Variants in IMMP2L observed in about 807,000 individuals in gnomAD.
IMMP2L encodes the protein inner mitochondrial membrane peptidase subunit 2.
Under a neutral mutation model 19.3 loss-of-function variants are expected in IMMP2L, and 18 were observed. The observed-to-expected ratio is 0.93, with a 90% CI of 0.64 to 1.38. The LOEUF (loss-of-function observed/expected upper bound fraction) is 1.38. Among genes scored for constraint, IMMP2L ranks in the 40% most tolerant of loss-of-function variants. The probability of loss-of-function intolerance (pLI) is 0.00; values close to 1 mark genes in which losing one functional copy is unlikely to be tolerated. For synonymous variants in IMMP2L, 76 were observed against 73.0 expected, an observed-to-expected ratio of 1.04 and a Z score of -0.21; for missense variants, 233 against 218.2, an observed-to-expected ratio of 1.07 and a Z score of -0.43.
At chr7:110,934,437 T>C (rs375537823) in intron 4 of IMMP2L, among the ~76,000 whole-genome samples, 2 of 152,124 alleles carry the variant, frequency 1.3e-5, no homozygotes, top group Non-Finnish European at 2.9e-5. Context: ...CAGTGGGAGA[T>C]GTTTCCAATT....
intron 5 of IMMP2L, among the ~76,000 whole-genome samples, chr7:110,684,861 G>A (rs1160298292): frequency 6.6e-6 from 1 of 151,996 alleles, no homozygotes; most frequent in Non-Finnish European, 1.5e-5. Context: ...CCTGCCTATG[G>A]ATGAAGTCTT....
chr7:110,691,763 C>T (rs1451044647), intron 5 of IMMP2L, among the ~76,000 whole-genome samples: 4 of 152,082 alleles, frequency 2.6e-5, no homozygotes, highest in Non-Finnish European at 5.9e-5. Context: ...GAGATATCAC[C>T]TTACCCCAGC....
At chr7:110,685,019 C>A (rs968903956) in intron 5 of IMMP2L, among the ~76,000 whole-genome samples, 1 of 151,912 alleles carries the variant, frequency 6.6e-6, no homozygotes. Flanking sequence ...GCTGAAAAGA[C>A]AACTTCTTCA....
chr7:111,392,967 C>T (rs1832515351), intron 3 of IMMP2L: 1 of 396,986 alleles, frequency 2.5e-6, no homozygotes, highest in Non-Finnish European at 4.9e-6. Context: ...GTCTCAGAAC[C>T]CAAGCATTTA....
intron 3 of IMMP2L, among the ~76,000 whole-genome samples, chr7:111,342,540 C>T (rs973504184): frequency 2.0e-5 from 3 of 151,672 alleles, no homozygotes; most frequent in East Asian, 1.9e-4. Flanking sequence ...TGCAGTGAGC[C>T]GAGATCTCAA....
chr7:110,693,508 T>C (rs558423972), intron 5 of IMMP2L, among the ~76,000 whole-genome samples: 2 of 152,306 alleles, frequency 1.3e-5, no homozygotes, highest in Admixed American at 6.5e-5. Flanking sequence ...GCTATGAAAC[T>C]ATGGGAACAG....
rs542092339 is a variant in IMMP2L, at chr7:111,433,994, C to G, written c.239+53244G>C. Reference sequence around the variant, plus strand: ...AAGACCCCAAATAGCCACAGCAATCCTAAGCAGAAAGAACAATGTTGGAGG... The same window carrying G: ...AAGACCCCAAATAGCCACAGCAATCGTAAGCAGAAAGAACAATGTTGGAGG... On this transcript the variant is annotated intron_variant, in intron 3 of 5. Coordinates refer to ENST00000405709, the MANE Select transcript of IMMP2L (RefSeq NM_032549.4). Among the ~76,000 whole-genome samples, 202 of 151,808 alleles carry G rather than the reference C, an allele frequency of 1.3e-3. 3 individuals carry two copies. The highest frequency in any genetic ancestry group is 4.7e-3 in the African/African-American group (195 of 41,188).
intron 3 of IMMP2L, among the ~76,000 whole-genome samples, chr7:111,426,863 T>G (rs972089266): frequency 2.0e-5 from 3 of 151,130 alleles, no homozygotes; most frequent in African/African-American, 4.9e-5. Context: ...GTTTAATAAA[T>G]AGTAGTAATT....
chr7:111,226,117 T>C (rs1813066039), intron 3 of IMMP2L, among the ~76,000 whole-genome samples: 1 of 152,032 alleles, frequency 6.6e-6, no homozygotes, highest in African/African-American at 2.4e-5. Flanking sequence ...ATTCCCTTTT[T>C]TTCCCATTCT....
chr7:111,298,802 T>C (rs1821902556), intron 3 of IMMP2L, among the ~76,000 whole-genome samples: 1 of 149,734 alleles, frequency 6.7e-6, no homozygotes, highest in Admixed American at 6.7e-5. Context: ...AGGATATACA[T>C]ATATCTAAAT....
intron 5 of IMMP2L, among the ~76,000 whole-genome samples, chr7:110,747,211 A>G (rs1021579640): frequency 2.0e-5 from 3 of 152,208 alleles, no homozygotes; most frequent in African/African-American, 7.2e-5. Flanking sequence ...AAGAAGTGGA[A>G]TCCCTGAATA....
chr7:111,417,254 G>A (rs117370452), intron 3 of IMMP2L, among the ~76,000 whole-genome samples: 4,486 of 151,854 alleles, frequency 0.03, 117 homozygotes, highest in Middle Eastern at 0.051. Context: ...GTAAAAGTAA[G>A]ATACTTTGCC....
intron 5 of IMMP2L, among the ~76,000 whole-genome samples, chr7:110,734,208 G>C: frequency 6.6e-6 from 1 of 152,266 alleles, no homozygotes; most frequent in East Asian, 1.9e-4. Context: ...ACAGAGTGTT[G>C]ATCTTCTTAG....
chr7:111,054,333 G>A (rs1327717377), intron 3 of IMMP2L, among the ~76,000 whole-genome samples: 2 of 152,062 alleles, frequency 1.3e-5, no homozygotes, highest in Non-Finnish European at 2.9e-5. Context: ...CTATCTTGAA[G>A]ACATTTAAAA....
chr7:111,486,355 C>T (rs577895448), intron 3 of IMMP2L, among the ~76,000 whole-genome samples: 27 of 152,064 alleles, frequency 1.8e-4, no homozygotes, highest in South Asian at 1.2e-3. Context: ...TATAAATTAC[C>T]ATCCAACAAG....
chr7:111,180,758 A>G (rs1284198496), intron 3 of IMMP2L, among the ~76,000 whole-genome samples: 1 of 152,028 alleles, frequency 6.6e-6, no homozygotes, highest in Non-Finnish European at 1.5e-5. Flanking sequence ...ATTCACACGT[A>G]TATATTGACA....
At chr7:111,504,808 T>C (rs927243398) in intron 2 of IMMP2L, among the ~76,000 whole-genome samples, 3 of 151,950 alleles carry the variant, frequency 2.0e-5, no homozygotes, top group Non-Finnish European at 2.9e-5. Context: ...TTACACCTTA[T>C]ACAAAAATTA....
intron 3 of IMMP2L, among the ~76,000 whole-genome samples, chr7:111,238,950 A>C (rs1215599545): frequency 1.3e-5 from 2 of 151,970 alleles, no homozygotes; most frequent in African/African-American, 4.8e-5. Flanking sequence ...ATTAAATGAT[A>C]AAGTATGTAA....
At chr7:110,722,949 A>T (rs1795668215) in intron 5 of IMMP2L, among the ~76,000 whole-genome samples, 1 of 152,124 alleles carries the variant, frequency 6.6e-6, no homozygotes, top group Non-Finnish European at 1.5e-5. Context: ...CAATTTGTGC[A>T]GGGAAAAACT....
Sources: allele counts gnomAD v4.1 joint callset (sites outside exome capture counted in the v4.1 genomes callset), GRCh38; gene constraint gnomAD v4.1.1; transcripts MANE v1.5; gene names NCBI Gene and HGNC (gene_info 2026-07-23, HGNC 2026-07-21).